Variants in GRIK4 observed in about 807,000 individuals in gnomAD.
GRIK4 encodes glutamate ionotropic receptor kainate type subunit 4.
Under a neutral mutation model 104.9 loss-of-function variants are expected in GRIK4, and 40 were observed. The observed-to-expected ratio is 0.38, with a 90% CI of 0.30 to 0.50. GRIK4 has a LOEUF of 0.50. GRIK4 is among the 20% of genes least tolerant of loss of function. GRIK4 has a pLI of 0.93. For missense variants in GRIK4, 1,047 were observed against 1,308.1 expected (o/e 0.80, Z 3.08); for synonymous variants, 485 against 524.9 (o/e 0.92, Z 1.04).
chr11:120,982,193 T>TA lies in GRIK4; in HGVS notation c.2484dup (p.Trp829MetfsTer10). The TA allele has an allele frequency of 6.2e-7, 1 of 1,609,194 alleles. No homozygotes were observed. Among genetic ancestry groups the TA allele is most frequent in the Non-Finnish European group, 8.5e-7 (1 of 1,175,480 alleles). On this transcript the variant is annotated frameshift_variant, in exon 20 of 21. Coordinates refer to ENST00000527524, the MANE Select transcript of GRIK4 (RefSeq NM_014619.5). LOFTEE classifies it high-confidence loss of function. Reference sequence around the variant, plus strand: ...ATTTTTATGGCTATGTTGGAGTTTTTATGGACTCTCAGACACTCAGAAGCA... The same window carrying TA: ...ATTTTTATGGCTATGTTGGAGTTTTTAATGGACTCTCAGACACTCAGAAGCA...
intron 3 of GRIK4, among the ~76,000 whole-genome samples, chr11:120,679,684 A>G (rs763800068): frequency 5.9e-5 from 9 of 152,160 alleles, no homozygotes; most frequent in Non-Finnish European, 1.3e-4. Context: ...GGACTTGTCT[A>G]ACTGAACCTC....
intron 11 of GRIK4, among the ~76,000 whole-genome samples, chr11:120,887,975 C>T (rs1018589435): frequency 1.3e-5 from 2 of 152,102 alleles, no homozygotes; most frequent in African/African-American, 2.4e-5. Context: ...CACCCAGAGG[C>T]GGTTGTGGTG....
At chr11:120,767,597 T>A (rs1008163216) in intron 3 of GRIK4, among the ~76,000 whole-genome samples, 2 of 152,154 alleles carry the variant, frequency 1.3e-5, no homozygotes, top group Non-Finnish European at 2.9e-5. Flanking sequence ...GAGCTTTTGG[T>A]GTGCTATCCA....
intron 3 of GRIK4, among the ~76,000 whole-genome samples, chr11:120,660,925 T>C (rs1565279112): frequency 6.6e-6 from 1 of 152,106 alleles, no homozygotes; most frequent in Non-Finnish European, 1.5e-5. Context: ...CATGTGAGTC[T>C]CTCCCTTGCC....
intron 3 of GRIK4, among the ~76,000 whole-genome samples, chr11:120,668,421 GA>G (rs1351751447): frequency 2.6e-5 from 4 of 152,028 alleles, no homozygotes; most frequent in Non-Finnish European, 4.4e-5. Flanking sequence ...AAAAAGGAAA[GA>G]AAAGAAATGA....
intron 2 of GRIK4, among the ~76,000 whole-genome samples, chr11:120,659,302 C>A (rs149470229): frequency 6.6e-6 from 1 of 151,990 alleles, no homozygotes; most frequent in South Asian, 2.1e-4. Flanking sequence ...TGGTTTTCAG[C>A]GGTAGTAGAG....
chr11:120,883,898 G>A (rs1430433870), intron 11 of GRIK4, among the ~76,000 whole-genome samples: 2 of 152,236 alleles, frequency 1.3e-5, no homozygotes, highest in Non-Finnish European at 2.9e-5. Flanking sequence ...GGAAGAGCTG[G>A]AAGAGGCGGA....
intron 20 of GRIK4, among the ~76,000 whole-genome samples, chr11:120,983,006 G>T (rs535046771): frequency 3.9e-5 from 6 of 152,162 alleles, no homozygotes; most frequent in Non-Finnish European, 8.8e-5. Context: ...TTCTGCATGC[G>T]TAGAGCTTCA....
intron 1 of GRIK4, among the ~76,000 whole-genome samples, chr11:120,601,924 CG>C (rs1305665938): frequency 6.6e-6 from 1 of 151,998 alleles, no homozygotes; most frequent in African/African-American, 2.4e-5. Context: ...GTGGGCTAAG[CG>C]GCTTCTTTTT....
Position 120,660,206 on chromosome 11 carries a change from A to G in GRIK4, c.-50-63A>G, listed in dbSNP as rs181122856. Reference sequence around the variant, plus strand: ...TCTCCGGCTCCTGGGTGTCACTGGGATGGTGGGGCAGCTGCCTAGCTGGAG... The same window carrying G: ...TCTCCGGCTCCTGGGTGTCACTGGGGTGGTGGGGCAGCTGCCTAGCTGGAG... On this transcript the variant is annotated intron_variant, in intron 2 of 20. Transcript: ENST00000527524. 8.7e-4 allele frequency: 635 copies of G among 727,318 alleles called. 6 individuals carry two copies. The African/African-American group carries it at 9.4e-3, about 11-fold the overall frequency. The allele number at this position is 727,318 out of a possible 1,614,324, so 45.1% of individuals were successfully genotyped here. A position where few individuals can be genotyped will look rare whatever the true frequency, so the allele number is the denominator to read the frequency against.
intron 20 of GRIK4, 138 bp downstream of exon 20, chr11:120,982,362 T>C (rs1226727063): frequency 1.2e-5 from 8 of 660,274 alleles, no homozygotes; most frequent in African/African-American, 1.8e-5. Context: ...CAGAGGGGAT[T>C]TGGATCAATG....
chr11:120,822,327 AC>A (rs1406219052), intron 6 of GRIK4, among the ~76,000 whole-genome samples: 2 of 151,978 alleles, frequency 1.3e-5, no homozygotes, highest in African/African-American at 4.8e-5. Context: ...ATAGATTCTA[AC>A]CCCCTCAGCT....
chr11:120,641,365 G>A (rs1949469972), intron 1 of GRIK4, among the ~76,000 whole-genome samples: 1 of 151,172 alleles, frequency 6.6e-6, no homozygotes, highest in Admixed American at 6.6e-5. Context: ...AAATTGAACT[G>A]TAAAAGTTAA....
chr11:120,637,246 T>C (rs1296282158), intron 1 of GRIK4, among the ~76,000 whole-genome samples: 1 of 152,110 alleles, frequency 6.6e-6, no homozygotes, highest in African/African-American at 2.4e-5. Context: ...GAAGCAGGTG[T>C]CCTCATGTTG....
chr11:120,634,525 A>G (rs1428015310), intron 1 of GRIK4, among the ~76,000 whole-genome samples: 1 of 151,966 alleles, frequency 6.6e-6, no homozygotes, highest in Non-Finnish European at 1.5e-5. Context: ...CCTTTCTGGA[A>G]GGAGCCCTCC....
At chr11:120,589,627 G>A (rs1334430422) in intron 1 of GRIK4, among the ~76,000 whole-genome samples, 1 of 152,098 alleles carries the variant, frequency 6.6e-6, no homozygotes, top group African/African-American at 2.4e-5. Flanking sequence ...TGCTCTGGGA[G>A]CATTCCTTTT....
At chr11:120,913,261 A>G (rs901825534) in intron 13 of GRIK4, among the ~76,000 whole-genome samples, 12 of 152,044 alleles carry the variant, frequency 7.9e-5, no homozygotes, top group African/African-American at 2.7e-4. Flanking sequence ...TGCAGCCACA[A>G]TTGGCATTCA....
At chr11:120,539,457 T>A (rs1948010282) in intron 1 of GRIK4, among the ~76,000 whole-genome samples, 1 of 152,222 alleles carries the variant, frequency 6.6e-6, no homozygotes, top group Non-Finnish European at 1.5e-5. Flanking sequence ...CACAACCACA[T>A]GATGAAAATA....
intron 3 of GRIK4, among the ~76,000 whole-genome samples, chr11:120,664,050 A>G (rs189277839): frequency 1.1e-4 from 17 of 152,328 alleles, no homozygotes; most frequent in African/African-American, 3.6e-4. Context: ...GGCCCAACAC[A>G]TGATGCAAAG....
Sources: gnomAD v4.1 joint callset for allele counts (sites outside exome capture counted in the v4.1 genomes callset) on GRCh38, gnomAD v4.1.1 for gene constraint, MANE v1.5 for transcripts, NCBI Gene and HGNC (gene_info 2026-07-23, HGNC 2026-07-21) for gene names.